Variants in WDR70 observed in about 807,000 individuals in gnomAD.
WDR70 encodes the protein WD repeat domain 70, also known as WD repeat-containing protein 70.
WDR70 carries 53 observed loss-of-function variants against 88.6 expected under a neutral mutation model. The ratio of observed to expected loss-of-function variants is 0.60; its 90% CI spans 0.48 to 0.75. WDR70 has a LOEUF of 0.75. WDR70 is among the 30% of genes least tolerant of loss of function. WDR70 has a pLI of 0.00. For missense variants in WDR70, 610 were observed against 823.2 expected, an observed-to-expected ratio of 0.74 and a Z score of 3.17; for synonymous variants, 280 against 270.0, an observed-to-expected ratio of 1.04 and a Z score of -0.36.
chr5:37,734,773 C>A (rs1283007908), intron 17 of WDR70, among the ~76,000 whole-genome samples: 1 of 152,038 alleles, frequency 6.6e-6, no homozygotes, highest in African/African-American at 2.4e-5. Flanking sequence ...GCAGCGAACA[C>A]AAGAGGCCTT....
At chr5:37,665,489 T>A (rs1745812982) in intron 10 of WDR70, among the ~76,000 whole-genome samples, 1 of 152,154 alleles carries the variant, frequency 6.6e-6, no homozygotes, top group African/African-American at 2.4e-5. Flanking sequence ...CAGAAACAGA[T>A]AAGTTGTTTC....
intron 7 of WDR70, among the ~76,000 whole-genome samples, chr5:37,457,210 C>A (rs1330207660): frequency 6.6e-6 from 1 of 152,168 alleles, no homozygotes; most frequent in Non-Finnish European, 1.5e-5. Flanking sequence ...ATTCTCATGC[C>A]TCAACCTCCC....
At chr5:37,462,395 C>T (rs1282573971) in intron 7 of WDR70, among the ~76,000 whole-genome samples, 4 of 152,234 alleles carry the variant, frequency 2.6e-5, no homozygotes, top group Non-Finnish European at 2.9e-5. Flanking sequence ...CTCCACCTCC[C>T]GGATTCATGC....
rs764202966 is a variant in WDR70, at chr5:37,521,735, CACACA to C, written c.917+5146_917+5150del. On this transcript the variant is annotated intron_variant, in intron 9 of 17. Transcript: ENST00000265107. The stretch of plus-strand genomic sequence containing the variant: ...ACACACACACACACACACACACACA[CACACA>C]CCCACATGTTCTTTATCAACTTGTT... Among the ~76,000 whole-genome samples the C allele has an allele frequency of 3.6e-3, 549 of 151,206 alleles. 7 individuals carry two copies. The East Asian group carries it at 0.055, about 15-fold the overall frequency.
intron 9 of WDR70, among the ~76,000 whole-genome samples, chr5:37,584,371 G>C (rs1006353948): frequency 5.9e-5 from 9 of 152,162 alleles, no homozygotes; most frequent in Admixed American, 5.9e-4. Flanking sequence ...TAATTTGTTA[G>C]AGATATCGAA....
chr5:37,734,329 A>T (rs1022300837), intron 17 of WDR70, among the ~76,000 whole-genome samples: 1 of 152,106 alleles, frequency 6.6e-6, no homozygotes, highest in Non-Finnish European at 1.5e-5. Context: ...ATATTATTCA[A>T]TCTAATGGTA....
intron 10 of WDR70, among the ~76,000 whole-genome samples, chr5:37,690,881 C>T (rs1051270202): frequency 3.3e-5 from 5 of 152,018 alleles, no homozygotes; most frequent in Non-Finnish European, 1.5e-5. Flanking sequence ...ACATTATTAA[C>T]GTTAAAGGTA....
At chr5:37,643,967 G>GT (rs913608206) in intron 10 of WDR70, among the ~76,000 whole-genome samples, 7 of 149,444 alleles carry the variant, frequency 4.7e-5, no homozygotes, top group African/African-American at 1.8e-4. Context: ...CAATTTGGAT[G>GT]TTTTTTTATT....
At chr5:37,491,503 C>T (rs1406592016) in intron 8 of WDR70, among the ~76,000 whole-genome samples, 1 of 152,142 alleles carries the variant, frequency 6.6e-6, no homozygotes, top group Non-Finnish European at 1.5e-5. Context: ...AATTACATGA[C>T]TAAGGTGGAG....
At chr5:37,437,602 C>T (rs1171161324) in intron 5 of WDR70, among the ~76,000 whole-genome samples, 10 of 152,006 alleles carry the variant, frequency 6.6e-5, no homozygotes, top group African/African-American at 2.2e-4. Context: ...CTATTAACAG[C>T]TACTGATTTA....
chr5:37,699,402 T>TATAC (rs752211783), intron 11 of WDR70, among the ~76,000 whole-genome samples: 1 of 70,774 alleles, frequency 1.4e-5, no homozygotes, highest in African/African-American at 7.9e-5. Context: ...TATATATATA[T>TATAC]ACACACACAC....
At chr5:37,678,289 T>C (rs62360907) in intron 10 of WDR70, among the ~76,000 whole-genome samples, 56,461 of 152,046 alleles carry the variant, frequency 0.37, 12,218 homozygotes, top group Admixed American at 0.5. Flanking sequence ...GTTAGCTGGT[T>C]ATTTTGCTCG....
chr5:37,704,880 GTCTTTTTTTTTTTTTT>G (rs891423825), intron 13 of WDR70, among the ~76,000 whole-genome samples: 3 of 115,300 alleles, frequency 2.6e-5, no homozygotes, highest in African/African-American at 8.4e-5. Context: ...ACTATCTTGT[GTCTTTTTTTTTTTTTT>G]AAAGCAGAGG....
chr5:37,739,886 G>A (rs1316752278), intron 17 of WDR70, among the ~76,000 whole-genome samples: 1 of 151,884 alleles, frequency 6.6e-6, no homozygotes, highest in Non-Finnish European at 1.5e-5. Flanking sequence ...TAACATCAGT[G>A]TACAAATTCC....
intron 5 of WDR70, among the ~76,000 whole-genome samples, chr5:37,414,471 G>A (rs960753031): frequency 2.6e-5 from 4 of 152,028 alleles, no homozygotes; most frequent in African/African-American, 7.3e-5. Flanking sequence ...ATCTTATATA[G>A]GTCCCCCCTG....
At chr5:37,563,529 G>A (rs1322788981) in intron 9 of WDR70, among the ~76,000 whole-genome samples, 21 of 48,378 alleles carry the variant, frequency 4.3e-4, no homozygotes, top group South Asian at 9.5e-4. Flanking sequence ...CTCACCTCCC[G>A]GATGGGGCGG....
At chr5:37,611,685 G>A (rs1744195863) in intron 10 of WDR70, among the ~76,000 whole-genome samples, 1 of 150,444 alleles carries the variant, frequency 6.6e-6, no homozygotes, top group Non-Finnish European at 1.5e-5. Flanking sequence ...TTATTACGTA[G>A]TTATTCATTA....
intron 10 of WDR70, among the ~76,000 whole-genome samples, chr5:37,647,222 T>G (rs1745265256): frequency 6.6e-6 from 1 of 152,228 alleles, no homozygotes; most frequent in South Asian, 2.1e-4. Flanking sequence ...TATTTTAAAT[T>G]ATCTCAATCT....
intron 8 of WDR70, among the ~76,000 whole-genome samples, chr5:37,496,143 A>G (rs1022769017): frequency 1.3e-5 from 2 of 152,174 alleles, no homozygotes; most frequent in Non-Finnish European, 2.9e-5. Context: ...ACCAATCAGC[A>G]CTCTGTAAAA....
Sources: allele counts gnomAD v4.1 joint callset (sites outside exome capture counted in the v4.1 genomes callset), GRCh38; gene constraint gnomAD v4.1.1; transcripts MANE v1.5; gene names NCBI Gene and HGNC (gene_info 2026-07-23, HGNC 2026-07-21).